AXDND1: variants seen among roughly 807,000 people sequenced by gnomAD.
AXDND1 encodes the protein axonemal dynein light chain domain-containing protein 1.
In AXDND1, 110 loss-of-function variants were observed where a neutral mutation model predicts 137.5. The observed-to-expected ratio is 0.80, with a 90% confidence interval of 0.69 to 0.94. AXDND1 has a LOEUF of 0.94. Ranked by LOEUF, AXDND1 falls within the 40% of genes least tolerant of loss-of-function variation. AXDND1 has a pLI of 0.00. For missense variants in AXDND1, 1,191 were observed against 1,169.8 expected (o/e 1.02, Z -0.26); for synonymous variants, 414 against 399.7 (o/e 1.04, Z -0.43).
chr1:179,500,274 T>C (rs1304225807), intron 20 of AXDND1, among the ~76,000 whole-genome samples: 1 of 150,880 alleles, frequency 6.6e-6, no homozygotes, highest in African/African-American at 2.4e-5. Flanking sequence ...TACAACCCAA[T>C]TGATAAAAAA....
chr1:179,413,924 A>T (rs190606893), intron 12 of AXDND1, among the ~76,000 whole-genome samples: 1 of 152,044 alleles, frequency 6.6e-6, no homozygotes, highest in Non-Finnish European at 1.5e-5. Flanking sequence ...TTACTTTTTA[A>T]TAATAGCCGT....
At chr1:179,473,547 A>G (rs764908271) in intron 17 of AXDND1, among the ~76,000 whole-genome samples, 2 of 152,164 alleles carry the variant, frequency 1.3e-5, no homozygotes, top group African/African-American at 2.4e-5. Flanking sequence ...TTCTAGTGAC[A>G]TATAGATATA....
At chr1:179,519,963 T>C (rs1439501509) in intron 21 of AXDND1, among the ~76,000 whole-genome samples, 3 of 152,112 alleles carry the variant, frequency 2.0e-5, no homozygotes, top group Non-Finnish European at 4.4e-5. Flanking sequence ...ATTGAATCTA[T>C]AAATTGCCCT....
chr1:179,434,810 C>T lies in AXDND1; in HGVS notation c.1563+2468C>T, dbSNP rs77791751. Among the ~76,000 whole-genome samples, 12 of 152,260 alleles carry T rather than the reference C, an allele frequency of 7.9e-5. 1 individual carries two copies. In the South Asian group the frequency reaches 2.5e-3, roughly 32 times the overall value. ...AGACAAGGGTACCCTCTCACCTCTC[C>T]TATTCAACATAGTATTGGAAGTTCT... On this transcript the variant is annotated intron_variant, in intron 15 of 25. Coordinates refer to ENST00000367618, the MANE Select transcript of AXDND1 (RefSeq NM_144696.6).
chr1:179,447,689 G>T, intron 16 of AXDND1: 1 of 1,344,102 alleles, frequency 7.4e-7, no homozygotes, highest in African/African-American at 1.4e-5. Flanking sequence ...CCACCTGGTG[G>T]AGGGGGAGAC....
intron 16 of AXDND1, among the ~76,000 whole-genome samples, chr1:179,462,257 G>C (rs1392313773): frequency 6.6e-6 from 1 of 152,090 alleles, no homozygotes; most frequent in Admixed American, 6.5e-5. Context: ...TAACATGAAG[G>C]GCTGCTGAAT....
At chr1:179,491,940 A>T (rs1666946989) in intron 19 of AXDND1, among the ~76,000 whole-genome samples, 1 of 152,186 alleles carries the variant, frequency 6.6e-6, no homozygotes, top group African/African-American at 2.4e-5. Context: ...CACGGGCAGG[A>T]TGAGAAGTGT....
chr1:179,416,039 C>T (rs1042761896), intron 12 of AXDND1, among the ~76,000 whole-genome samples: 5 of 152,076 alleles, frequency 3.3e-5, no homozygotes, highest in African/African-American at 9.7e-5. Context: ...GGACTTATTT[C>T]TTCTGTTAAA....
chr1:179,448,198 C>T, intron 16 of AXDND1: 2 of 869,674 alleles, frequency 2.3e-6, no homozygotes, highest in Non-Finnish European at 4.0e-6. Flanking sequence ...TTCAGAGCCT[C>T]AACAATATCT....
intron 25 of AXDND1, chr1:179,552,434 C>T: frequency 1.5e-6 from 1 of 658,106 alleles, no homozygotes; most frequent in East Asian, 2.8e-5. Flanking sequence ...TTGCATTAGT[C>T]AGGGGACTAT....
At chr1:179,425,841 T>TC (rs1656487057) in intron 12 of AXDND1, among the ~76,000 whole-genome samples, 1 of 148,860 alleles carries the variant, frequency 6.7e-6, no homozygotes, top group Admixed American at 6.7e-5. Context: ...AGCTCTTTTT[T>TC]TTTTTTTTTT....
intron 24 of AXDND1, 131 bp from the exon 25 acceptor site, chr1:179,534,599 C>G: frequency 8.5e-7 from 1 of 1,179,752 alleles, no homozygotes; most frequent in Non-Finnish European, 1.1e-6. Context: ...ATCATTGATG[C>G]TGTTGCTTCC....
At chr1:179,437,591 T>A (rs1366511030) in intron 15 of AXDND1, among the ~76,000 whole-genome samples, 1 of 152,218 alleles carries the variant, frequency 6.6e-6, no homozygotes, top group East Asian at 1.9e-4. Flanking sequence ...TCTGTTTATG[T>A]ATTAATTGAA....
At chr1:179,530,430 C>T (rs1670940502) in intron 23 of AXDND1, among the ~76,000 whole-genome samples, 1 of 152,220 alleles carries the variant, frequency 6.6e-6, no homozygotes, top group African/African-American at 2.4e-5. Flanking sequence ...ACTTGCTTCT[C>T]TAAAGTTAGA....
intron 25 of AXDND1, chr1:179,545,226 A>G (rs1377044042): frequency 1.3e-5 from 2 of 152,118 alleles, no homozygotes; most frequent in Non-Finnish European, 2.9e-5. Context: ...AGATTTCTAC[A>G]CCTGCATTGA....
intron 22 of AXDND1, among the ~76,000 whole-genome samples, chr1:179,527,333 C>T (rs1048861975): frequency 6.6e-6 from 1 of 152,148 alleles, no homozygotes; most frequent in Non-Finnish European, 1.5e-5. Flanking sequence ...TTCTTTACTG[C>T]AACCTGTTTT....
chr1:179,498,343 G>A (rs1034280798), intron 20 of AXDND1, among the ~76,000 whole-genome samples: 1 of 151,924 alleles, frequency 6.6e-6, no homozygotes, highest in Non-Finnish European at 1.5e-5. Flanking sequence ...TTAGAAATAT[G>A]GCTTCACACC....
At chr1:179,372,263 A>G (rs1481787535) in intron 4 of AXDND1, among the ~76,000 whole-genome samples, 1 of 152,228 alleles carries the variant, frequency 6.6e-6, no homozygotes, top group Admixed American at 6.5e-5. Flanking sequence ...TGCAGAAAAT[A>G]AATCAGTCTA....
At chr1:179,412,109 T>C (rs1017397978) in intron 12 of AXDND1, among the ~76,000 whole-genome samples, 7 of 152,126 alleles carry the variant, frequency 4.6e-5, no homozygotes, top group African/African-American at 1.7e-4. Flanking sequence ...CCTCAACCTC[T>C]CAAAGTGCTG....
Sources: allele counts gnomAD v4.1 joint callset (sites outside exome capture counted in the v4.1 genomes callset), GRCh38; gene constraint gnomAD v4.1.1; transcripts MANE v1.5; gene names NCBI Gene and HGNC (gene_info 2026-07-23, HGNC 2026-07-21).